CERKL: variants seen among roughly 807,000 people sequenced by gnomAD.
CERKL encodes the protein CERK like autophagy regulator, also known as ceramide kinase-like protein.
Under a neutral mutation model 63.4 loss-of-function variants are expected in CERKL, and 61 were observed. The ratio of observed to expected loss-of-function variants is 0.96; its 90% CI spans 0.78 to 1.19. The LOEUF (loss-of-function observed/expected upper bound fraction) is 1.19, where lower values mean the gene tolerates loss of function less well. Ranked by LOEUF, CERKL falls within the 50% of genes most tolerant of loss-of-function variation. The pLI, the probability that CERKL is intolerant of heterozygous loss-of-function variation, is 0.00. For missense variants in CERKL, 675 were observed against 655.5 expected (o/e 1.03, Z -0.33); for synonymous variants, 250 against 230.5 (o/e 1.08, Z -0.77).
chr2:181,625,311 G>A (rs1391019069), intron 1 of CERKL, among the ~76,000 whole-genome samples: 1 of 150,826 alleles, frequency 6.6e-6, no homozygotes, highest in Non-Finnish European at 1.5e-5. Context: ...AAGAAGGAAT[G>A]AAAAACAGAG....
Position 181,656,905 on chromosome 2 carries a change from C to T in CERKL, c.102G>A (p.Thr34=). Residue 34 remains threonine, a synonymous_variant, in exon 1 of 13, where the codon ACG becomes ACA. Coordinates refer to ENST00000410087, the MANE Select transcript of CERKL (RefSeq NM_201548.5). ...CCGCCGCCTCCGTCTGCTGCGGGGACGTTAACAGCGCCGGAGGCACAGCGG... is the reference window on the plus strand; with the variant it reads ...CCGCCGCCTCCGTCTGCTGCGGGGATGTTAACAGCGCCGGAGGCACAGCGG... The part of the protein sequence containing the change: ...EAAAVPPALL[T]SPQQTEAAAE... 6.2e-7 allele frequency: 1 copy of T among 1,603,672 alleles called. No homozygotes were observed. Among genetic ancestry groups the T allele is most frequent in the South Asian group, 1.1e-5 (1 of 90,564 alleles).
chr2:181,547,696 C>G lies in CERKL; in HGVS notation c.1190G>C (p.Gly397Ala). The G allele has an allele frequency of 6.2e-7, 1 of 1,614,046 alleles. No homozygotes were observed. The highest frequency in any genetic ancestry group is 1.3e-5 in the African/African-American group (1 of 75,014). The part of the protein sequence containing the change: ...DCNDQWQMIQ[G>A]QFLNVSIMAI... ...CATAATGCTGACATTCAAGAACTGA[C>G]CCTGGATCATTTGCCATTGATCATT... Residue 397 changes from glycine to alanine, a missense_variant, in exon 10 of 13, where the codon GGT becomes GCT. Coordinates refer to ENST00000410087, the MANE Select transcript of CERKL (RefSeq NM_201548.5).
chr2:181,602,391 CTT>C (rs1408510022), intron 2 of CERKL, among the ~76,000 whole-genome samples: 1 of 152,160 alleles, frequency 6.6e-6, no homozygotes, highest in African/African-American at 2.4e-5. Flanking sequence ...TTCATTTTTA[CTT>C]TTTAAATCAC....
intron 2 of CERKL, among the ~76,000 whole-genome samples, chr2:181,575,181 C>A (rs1689076067): frequency 6.6e-6 from 1 of 152,186 alleles, no homozygotes; most frequent in Non-Finnish European, 1.5e-5. Flanking sequence ...GGCTGTCCTC[C>A]CCTTCCACTG....
At chr2:181,587,650 A>T (rs1198903724) in intron 2 of CERKL, among the ~76,000 whole-genome samples, 28 of 152,170 alleles carry the variant, frequency 1.8e-4, no homozygotes, top group Admixed American at 1.8e-3. Flanking sequence ...TAGTTAAAAT[A>T]ATTAGCATTT....
chr2:181,570,027 T>G (rs903097222), intron 3 of CERKL, among the ~76,000 whole-genome samples: 3 of 152,154 alleles, frequency 2.0e-5, no homozygotes, highest in Admixed American at 1.3e-4. Flanking sequence ...TATGAATATT[T>G]TGAAAGTATG....
chr2:181,617,646 T>A (rs549923133), intron 1 of CERKL, among the ~76,000 whole-genome samples: 102 of 152,248 alleles, frequency 6.7e-4, no homozygotes, highest in African/African-American at 2.2e-3. Flanking sequence ...AGAAACTGTA[T>A]AATAGTAAAC....
intron 5 of CERKL, among the ~76,000 whole-genome samples, chr2:181,551,487 A>G (rs928163965): frequency 2.0e-5 from 3 of 152,144 alleles, no homozygotes; most frequent in African/African-American, 7.2e-5. Flanking sequence ...AATTCCATCA[A>G]AAAGTGGGCA....
intron 3 of CERKL, among the ~76,000 whole-genome samples, chr2:181,570,399 C>T (rs1688853669): frequency 6.6e-6 from 1 of 152,196 alleles, no homozygotes; most frequent in Non-Finnish European, 1.5e-5. Flanking sequence ...CTATGGATCT[C>T]TGATCCTCAA....
chr2:181,553,435 T>C (rs903610824), intron 5 of CERKL, among the ~76,000 whole-genome samples: 3 of 152,190 alleles, frequency 2.0e-5, no homozygotes, highest in African/African-American at 7.2e-5. Context: ...TGGTTAATTA[T>C]GAGTAGACCG....
intron 1 of CERKL, among the ~76,000 whole-genome samples, chr2:181,624,887 A>C (rs1450342912): frequency 6.6e-6 from 1 of 152,188 alleles, no homozygotes; most frequent in East Asian, 1.9e-4. Context: ...GTAGAACATA[A>C]GTTTGAGAAG....
chr2:181,573,919 C>A (rs1689016686), intron 2 of CERKL, 35 bp from the exon 3 acceptor site: 1 of 1,602,624 alleles, frequency 6.2e-7, no homozygotes, highest in African/African-American at 1.3e-5. Context: ...GTTGTAAAGT[C>A]CTTGTCATCA....
chr2:181,627,843 C>T (rs530267987), intron 1 of CERKL, among the ~76,000 whole-genome samples: 1 of 152,266 alleles, frequency 6.6e-6, no homozygotes, highest in African/African-American at 2.4e-5. Flanking sequence ...TGAAATGTGC[C>T]ACTCTTATTA....
chr2:181,541,973 G>A (rs1013119225), intron 11 of CERKL, among the ~76,000 whole-genome samples: 1 of 152,172 alleles, frequency 6.6e-6, no homozygotes, highest in Admixed American at 6.5e-5. Context: ...GATAAGACGA[G>A]ATGACAGAAC....
chr2:181,538,293 A>T, intron 12 of CERKL, 49 bp from the exon 13 acceptor site: 6 of 1,073,134 alleles, frequency 5.6e-6, no homozygotes, highest in Non-Finnish European at 8.7e-6. Flanking sequence ...TGTTTTTCAC[A>T]TACACCTAAT....
chr2:181,629,646 A>T (rs1435940161), intron 1 of CERKL, among the ~76,000 whole-genome samples: 1 of 148,792 alleles, frequency 6.7e-6, no homozygotes, highest in Non-Finnish European at 1.5e-5. Flanking sequence ...AAAAAAAAAA[A>T]CTCAGTTATG....
chr2:181,629,912 C>A (rs1361813492), intron 1 of CERKL, among the ~76,000 whole-genome samples: 3 of 146,300 alleles, frequency 2.1e-5, no homozygotes, highest in Admixed American at 7.0e-5. Context: ...TTCTTTATTT[C>A]TTAGTGTTAT....
In CERKL at chr2:181,537,183, C is replaced by T. The variant is rs775090497; in HGVS notation, c.*1001G>A. ...ATTCTTTCAGGAGAACATCTAGGAT[C>T]ATAGATGAAAAATCAAGCCCCGATT... On this transcript the variant is annotated 3_prime_UTR_variant, in exon 13 of 13. Transcript: ENST00000410087. The T allele has an allele frequency of 2.2e-6, 1 of 453,530 alleles. No individual in the cohort carries two copies. Among genetic ancestry groups the T allele is most frequent in the South Asian group, 1.6e-5 (1 of 64,462 alleles). The allele number at this position is 453,530 out of a possible 1,614,324, so 28.1% of individuals were successfully genotyped here. A position where few individuals can be genotyped will look rare whatever the true frequency, so the allele number is the denominator to read the frequency against.
At chr2:181,547,898 G>GACAC (rs377332590) in intron 8 of CERKL, 51 bp from the exon 9 acceptor site, 2 of 760,628 alleles carry the variant, frequency 2.6e-6, no homozygotes, top group East Asian at 3.7e-5. Flanking sequence ...CGCGCGCACA[G>GACAC]ACACACAGAC....
Sources: allele counts gnomAD v4.1 joint callset (sites outside exome capture counted in the v4.1 genomes callset), GRCh38; gene constraint gnomAD v4.1.1; transcripts MANE v1.5; gene names NCBI Gene and HGNC (gene_info 2026-07-23, HGNC 2026-07-21).